GGACT: variants seen among roughly 807,000 people sequenced by gnomAD.
The protein encoded by GGACT is gamma-glutamylaminecyclotransferase.
For missense variants in GGACT, 241 were observed against 233.2 expected, an observed-to-expected ratio of 1.03 and a Z score of -0.22; for synonymous variants, 118 against 115.3, an observed-to-expected ratio of 1.02 and a Z score of -0.15.
intron 1 of GGACT, among the ~76,000 whole-genome samples, chr13:100,584,327 A>C (rs1875501552): frequency 6.6e-6 from 1 of 152,222 alleles, no homozygotes; most frequent in Admixed American, 6.5e-5. Context: ...ATTTGCAACA[A>C]TATGGTGCAG....
intron 2 of GGACT, among the ~76,000 whole-genome samples, chr13:100,555,037 TCA>T (rs2088699299): frequency 6.6e-6 from 1 of 152,238 alleles, no homozygotes; most frequent in African/African-American, 2.4e-5. Context: ...CTGTATCTAC[TCA>T]CAGTTAAAAA....
chr13:100,560,140 G>A (rs1236310241), intron 2 of GGACT, among the ~76,000 whole-genome samples: 1 of 152,096 alleles, frequency 6.6e-6, no homozygotes, highest in East Asian at 1.9e-4. Context: ...AAGCTTTTGG[G>A]GAGATGGACA....
chr13:100,540,223 C>T, intron 2 of GGACT: 1 of 1,408,930 alleles, frequency 7.1e-7, no homozygotes, highest in Non-Finnish European at 9.9e-7. Context: ...TTTGGCACGA[C>T]CATTGTTCCT....
At chr13:100,548,058 G>A (rs943419395) in intron 2 of GGACT, among the ~76,000 whole-genome samples, 1 of 152,218 alleles carries the variant, frequency 6.6e-6, no homozygotes, top group East Asian at 1.9e-4. Flanking sequence ...GTCCCAGCCC[G>A]CTCTCCACTT....
At position 100,534,652 on chromosome 13, in the gene GGACT, T is replaced by G. The variant is rs929661660; in HGVS notation, c.-10-2051A>C. The stretch of plus-strand genomic sequence containing the variant: ...GCAGCTGCCTTGGGGACTCAGCATT[T>G]GGAAGGATTCATGTCCCTCCCCACA... On this transcript the variant is annotated intron_variant, in intron 2 of 2. Transcript: ENST00000683975. The surrounding 1 kb of genome is among the most constrained non-coding windows in gnomAD (Gnocchi z 4.9). Among the ~76,000 whole-genome samples the G allele has an allele frequency of 6.6e-6, 1 of 152,066 alleles. No homozygotes were observed. Among genetic ancestry groups the G allele is most frequent in the African/African-American group, 2.4e-5 (1 of 41,406 alleles).
At chr13:100,557,056 T>C (rs2088715283) in intron 2 of GGACT, among the ~76,000 whole-genome samples, 1 of 152,038 alleles carries the variant, frequency 6.6e-6, no homozygotes, top group South Asian at 2.1e-4. Flanking sequence ...CGCCTGGTAA[T>C]GTTTTTCTAT....
intron 1 of GGACT, among the ~76,000 whole-genome samples, chr13:100,588,189 A>G (rs955991140): frequency 6.6e-6 from 1 of 152,240 alleles, no homozygotes; most frequent in African/African-American, 2.4e-5. Context: ...GATAACCATA[A>G]TTAATAATCA....
chr13:100,588,041 C>T (rs1235295945), intron 1 of GGACT, among the ~76,000 whole-genome samples: 1 of 152,096 alleles, frequency 6.6e-6, no homozygotes, highest in Admixed American at 6.5e-5. Flanking sequence ...ATAAAAAGGG[C>T]CAGAAATCGA....
chr13:100,564,615 G>A (rs1180122042), intron 2 of GGACT, among the ~76,000 whole-genome samples: 4 of 152,130 alleles, frequency 2.6e-5, no homozygotes, highest in Non-Finnish European at 5.9e-5. Flanking sequence ...ATTTAACTAC[G>A]AGACTGTTGC....
intron 2 of GGACT, chr13:100,538,499 G>A (rs2088519628): frequency 6.6e-6 from 1 of 152,156 alleles, no homozygotes; most frequent in African/African-American, 2.4e-5. Context: ...CAGTTCAGTA[G>A]TGTTAAGTAT....
At chr13:100,554,607 T>C (rs1485852778) in intron 2 of GGACT, among the ~76,000 whole-genome samples, 2 of 152,194 alleles carry the variant, frequency 1.3e-5, no homozygotes, top group South Asian at 2.1e-4. Flanking sequence ...GGTAATGGCA[T>C]TGTGGTCCTG....
rs1356598110 is a variant in GGACT at position 100,574,463 on chromosome 13, C to G, written c.-11+9362G>C. On this transcript the variant is annotated intron_variant, in intron 2 of 2. Transcript: ENST00000683975. ...TGGTGGTGCACACCTGTAGTTCTAG[C>G]TACTCAAGAGGCTGAGGCAGAAGAA... Among the ~76,000 whole-genome samples the G allele has an allele frequency of 3.3e-5, 5 of 152,242 alleles. 1 individual carries two copies. In the South Asian group the frequency reaches 1.0e-3, roughly 32 times the overall value.
intron 2 of GGACT, among the ~76,000 whole-genome samples, chr13:100,578,305 C>T (rs1276481626): frequency 2.6e-5 from 4 of 152,204 alleles, no homozygotes; most frequent in South Asian, 2.1e-4. Flanking sequence ...TTTTATTCTA[C>T]ATAATGAAAA....
At chr13:100,549,054 C>G (rs1264346441) in intron 2 of GGACT, among the ~76,000 whole-genome samples, 3 of 152,270 alleles carry the variant, frequency 2.0e-5, no homozygotes, top group African/African-American at 7.2e-5. Flanking sequence ...AGCTTAGAAA[C>G]CACCACCCAT....
chr13:100,561,779 C>T (rs939911630), intron 2 of GGACT, among the ~76,000 whole-genome samples: 4 of 152,190 alleles, frequency 2.6e-5, no homozygotes, highest in Non-Finnish European at 5.9e-5. Context: ...CTGGGGCTCA[C>T]GACCTTGGCA....
At chr13:100,562,263 C>G (rs961265402) in intron 2 of GGACT, among the ~76,000 whole-genome samples, 1 of 152,138 alleles carries the variant, frequency 6.6e-6, no homozygotes, top group South Asian at 2.1e-4. Flanking sequence ...CAACTAAGCT[C>G]GGTGAAGGGC....
At chr13:100,575,887 A>G (rs1383196083) in intron 2 of GGACT, among the ~76,000 whole-genome samples, 1 of 152,272 alleles carries the variant, frequency 6.6e-6, no homozygotes, top group Non-Finnish European at 1.5e-5. Context: ...CCAATCTAGC[A>G]TAAAACTGAT....
chr13:100,535,252 G>A (rs951287176), intron 2 of GGACT, among the ~76,000 whole-genome samples: 4 of 152,228 alleles, frequency 2.6e-5, no homozygotes, highest in Admixed American at 6.5e-5. Context: ...TAAGAAAAAT[G>A]AAGTTTCCTA....
intron 2 of GGACT, among the ~76,000 whole-genome samples, chr13:100,553,080 C>A (rs1483979647): frequency 1.3e-5 from 2 of 152,162 alleles, no homozygotes; most frequent in South Asian, 4.1e-4. Flanking sequence ...AGGGCCCGGG[C>A]CTCCAAGGGC....
Sources: gnomAD v4.1 joint callset for allele counts (sites outside exome capture counted in the v4.1 genomes callset) on GRCh38, gnomAD v4.1.1 for gene constraint, Gnocchi (gnomAD v3.1) non-coding constraint, MANE v1.5 for transcripts, NCBI Gene and HGNC (gene_info 2026-07-23, HGNC 2026-07-21) for gene names.